Variants in TMC1 observed in about 807,000 individuals in gnomAD.
TMC1 encodes transmembrane channel-like protein 1.
Under a neutral mutation model 105.8 loss-of-function variants are expected in TMC1, and 84 were observed. The ratio of observed to expected loss-of-function variants is 0.79; its 90% CI spans 0.67 to 0.95. The LOEUF (loss-of-function observed/expected upper bound fraction) is 0.95. Ranked by LOEUF, TMC1 falls within the 40% of genes least tolerant of loss-of-function variation. The probability of loss-of-function intolerance (pLI) is 0.00; values close to 1 mark genes in which losing one functional copy is unlikely to be tolerated. For missense variants in TMC1, 817 were observed against 914.1 expected (o/e 0.89, Z 1.37); for synonymous variants, 315 against 311.5 (o/e 1.01, Z -0.12).
chr9:72,548,923 C>T (rs988425795), intron 1 of TMC1, among the ~76,000 whole-genome samples: 3 of 152,332 alleles, frequency 2.0e-5, no homozygotes, highest in East Asian at 1.9e-4. Context: ...CACATGCCCA[C>T]GAGAGCAAGC....
intron 10 of TMC1, among the ~76,000 whole-genome samples, chr9:72,751,222 A>G (rs1390499829): frequency 1.3e-5 from 2 of 152,232 alleles, no homozygotes; most frequent in Admixed American, 1.3e-4. Flanking sequence ...CAGCACCCGT[A>G]TCTATGACAT....
intron 1 of TMC1, among the ~76,000 whole-genome samples, chr9:72,546,119 C>T (rs1287304253): frequency 2.0e-5 from 3 of 146,344 alleles, no homozygotes; most frequent in Non-Finnish European, 3.0e-5. Flanking sequence ...CCCAGCTCTA[C>T]TAAAAAAAAA....
intron 11 of TMC1, 57 bp from the exon 12 acceptor site, chr9:72,754,729 T>C: frequency 1.5e-6 from 2 of 1,346,080 alleles, no homozygotes; most frequent in Non-Finnish European, 2.1e-6. Context: ...TGTGATCACA[T>C]GTGTGGCTCA....
chr9:72,813,409 T>C lies in TMC1; in HGVS notation c.1696-2734T>C, dbSNP rs573123825. 3.9e-5 allele frequency among the ~76,000 whole-genome samples: 6 copies of C among 152,294 alleles called. No homozygotes were observed. In the South Asian group the frequency reaches 1.2e-3, roughly 32 times the overall value. On this transcript the variant is annotated intron_variant, in intron 18 of 23. Transcript: ENST00000297784. ...TTCTGTGTTTATTGCATAAGTTAAA[T>C]TCCATTTCTAAGGTGTTTACAGAGA...
chr9:72,783,153 G>T (rs1207567655), intron 13 of TMC1, among the ~76,000 whole-genome samples: 2 of 149,498 alleles, frequency 1.3e-5, no homozygotes, highest in African/African-American at 4.9e-5. Context: ...ACTAATAGGA[G>T]ATATATATAT....
At chr9:72,569,876 G>T (rs1282216062) in intron 1 of TMC1, among the ~76,000 whole-genome samples, 1 of 152,200 alleles carries the variant, frequency 6.6e-6, no homozygotes, top group African/African-American at 2.4e-5. Context: ...CTGCTAGAAG[G>T]ATTCCAAGGG....
intron 8 of TMC1, among the ~76,000 whole-genome samples, chr9:72,713,669 C>G (rs1444948553): frequency 6.7e-6 from 1 of 149,832 alleles, no homozygotes; most frequent in African/African-American, 2.4e-5. Context: ...CTCTTTTCTT[C>G]TTTATTAGTC....
chr9:72,632,836 A>C (rs1825473263), intron 4 of TMC1, among the ~76,000 whole-genome samples: 1 of 152,180 alleles, frequency 6.6e-6, no homozygotes, highest in African/African-American at 2.4e-5. Context: ...TTAAACTCTA[A>C]CTTTTCTTAT....
chr9:72,799,977 T>C (rs1828442524), intron 17 of TMC1, among the ~76,000 whole-genome samples: 1 of 152,104 alleles, frequency 6.6e-6, no homozygotes, highest in Admixed American at 6.6e-5. Context: ...GCTTTAAAGA[T>C]GGAGGAAGGA....
intron 5 of TMC1, among the ~76,000 whole-genome samples, chr9:72,681,277 TC>T (rs1826281706): frequency 6.6e-6 from 1 of 152,146 alleles, no homozygotes; most frequent in African/African-American, 2.4e-5. Flanking sequence ...AAATGTTCCC[TC>T]CCTCAAACAA....
intron 4 of TMC1, among the ~76,000 whole-genome samples, chr9:72,630,650 C>T (rs1825433988): frequency 6.6e-6 from 1 of 152,038 alleles, no homozygotes; most frequent in South Asian, 2.1e-4. Context: ...GATACTGAAA[C>T]ATTTTGTGTT....
At chr9:72,560,589 C>G (rs1370631785) in intron 1 of TMC1, among the ~76,000 whole-genome samples, 1 of 152,104 alleles carries the variant, frequency 6.6e-6, no homozygotes, top group Non-Finnish European at 1.5e-5. Context: ...ACCTCTGCCT[C>G]CCGGGTTCAA....
At chr9:72,653,693 A>G (rs1825846071) in intron 5 of TMC1, among the ~76,000 whole-genome samples, 1 of 152,162 alleles carries the variant, frequency 6.6e-6, no homozygotes, top group Non-Finnish European at 1.5e-5. Context: ...ATACATTATA[A>G]AAATCATGAT....
At chr9:72,784,963 G>A (rs1828146503) in intron 13 of TMC1, among the ~76,000 whole-genome samples, 2 of 152,120 alleles carry the variant, frequency 1.3e-5, no homozygotes, top group Admixed American at 6.6e-5. Context: ...GGAGCAAGGT[G>A]AGGATTGAAA....
chr9:72,563,367 G>C (rs191504632), intron 1 of TMC1, among the ~76,000 whole-genome samples: 1 of 152,140 alleles, frequency 6.6e-6, no homozygotes, highest in Non-Finnish European at 1.5e-5. Context: ...ATGGGTTGGA[G>C]ATTGATAAGA....
At chr9:72,793,737 G>A (rs1223858451) in intron 17 of TMC1, among the ~76,000 whole-genome samples, 2 of 152,174 alleles carry the variant, frequency 1.3e-5, no homozygotes, top group South Asian at 2.1e-4. Flanking sequence ...GACCAGGGAC[G>A]GATGTGGGGT....
chr9:72,539,510 G>T (rs1564397724), intron 1 of TMC1, among the ~76,000 whole-genome samples: 1 of 151,426 alleles, frequency 6.6e-6, no homozygotes, highest in East Asian at 1.9e-4. Flanking sequence ...ACACAGCCAA[G>T]TTTTTTTTTC....
intron 13 of TMC1, among the ~76,000 whole-genome samples, chr9:72,785,700 A>G (rs1828158131): frequency 6.6e-6 from 1 of 152,228 alleles, no homozygotes; most frequent in South Asian, 2.1e-4. Context: ...CAAAGGGAGA[A>G]TTCACATCCT....
At chr9:72,659,741 G>T (rs867866311) in intron 5 of TMC1, among the ~76,000 whole-genome samples, 8 of 152,136 alleles carry the variant, frequency 5.3e-5, no homozygotes, top group Non-Finnish European at 1.0e-4. Flanking sequence ...TAGTTAGTAG[G>T]GCACATAGCA....
Sources: gnomAD v4.1 joint callset for allele counts (sites outside exome capture counted in the v4.1 genomes callset) on GRCh38, gnomAD v4.1.1 for gene constraint, MANE v1.5 for transcripts, NCBI Gene and HGNC (gene_info 2026-07-23, HGNC 2026-07-21) for gene names.